GALNT11: variants seen among roughly 807,000 people sequenced by gnomAD.
GALNT11 encodes polypeptide N-acetylgalactosaminyltransferase 11, also known as UDP-GalNAc:polypeptide N-acetylgalactosaminyltransferase 11.
Under a neutral mutation model 72.7 loss-of-function variants are expected in GALNT11, and 47 were observed. The observed-to-expected ratio is 0.65, with a 90% CI of 0.51 to 0.82. The LOEUF is 0.82. Among genes scored for constraint, GALNT11 ranks in the 40% least tolerant of loss-of-function variants. GALNT11 has a pLI of 0.00. For synonymous variants in GALNT11, 270 were observed against 286.6 expected (o/e 0.94, Z 0.58); for missense variants, 677 against 778.4 (o/e 0.87, Z 1.55).
At chr7:152,118,996 A>G in intron 10 of GALNT11, 2 of 372,754 alleles carry the variant, frequency 5.4e-6, no homozygotes, top group Non-Finnish European at 4.7e-6. Context: ...TTTTTCACCG[A>G]AAAAAACTGC....
chr7:152,039,154 G>A (rs946194340), intron 1 of GALNT11, among the ~76,000 whole-genome samples: 2 of 152,172 alleles, frequency 1.3e-5, no homozygotes, highest in Non-Finnish European at 2.9e-5. Context: ...CACGCAGACT[G>A]AGGTGCAATT....
chr7:152,055,638 T>A (rs1268590091), intron 1 of GALNT11, among the ~76,000 whole-genome samples: 1 of 151,616 alleles, frequency 6.6e-6, no homozygotes, highest in South Asian at 2.1e-4. Flanking sequence ...GGATACTTTT[T>A]AAATTAAATA....
chr7:152,101,046 A>ATCTGTCTCAAGTTTC, intron 3 of GALNT11, 125 bp downstream of exon 3: 1 of 1,284,304 alleles, frequency 7.8e-7, no homozygotes, highest in Non-Finnish European at 1.1e-6. Context: ...ATACTAGGAA[A>ATCTGTCTCAAGTTTC]CTTGAGACAG....
intron 1 of GALNT11, among the ~76,000 whole-genome samples, chr7:152,042,484 GC>G (rs2082911690): frequency 6.6e-6 from 1 of 152,092 alleles, no homozygotes; most frequent in Non-Finnish European, 1.5e-5. Flanking sequence ...TTACTCAGCG[GC>G]CATTGTTCTG....
At chr7:152,077,520 A>G (rs2085057435) in intron 1 of GALNT11, among the ~76,000 whole-genome samples, 1 of 152,130 alleles carries the variant, frequency 6.6e-6, no homozygotes, top group South Asian at 2.1e-4. Flanking sequence ...AGAGGCTGCC[A>G]TCCAGAACAC....
intron 1 of GALNT11, among the ~76,000 whole-genome samples, chr7:152,032,847 C>A (rs2082369353): frequency 6.6e-6 from 1 of 152,216 alleles, no homozygotes. Context: ...GTGGGACTTT[C>A]AGGCGTGACA....
intron 1 of GALNT11, among the ~76,000 whole-genome samples, chr7:152,054,503 CTTTTTTTTTTT>C (rs1037895401): frequency 1.4e-5 from 1 of 72,108 alleles, no homozygotes; most frequent in African/African-American, 5.1e-5. Context: ...TTTTTCTTGT[CTTTTTTTTTTT>C]TTTTTTTTTT....
intron 1 of GALNT11, chr7:152,074,310 T>A (rs911803672): frequency 3.3e-5 from 5 of 152,226 alleles, no homozygotes; most frequent in Non-Finnish European, 5.9e-5. Flanking sequence ...TTTGAGTTGA[T>A]TTTCACATAG....
chr7:152,026,677 G>C (rs1563034365), intron 1 of GALNT11, among the ~76,000 whole-genome samples: 1 of 152,076 alleles, frequency 6.6e-6, no homozygotes, highest in Non-Finnish European at 1.5e-5. Context: ...CTGCCCCATG[G>C]CGTAAATTGT....
At chr7:152,081,255 C>T (rs1000664010) in intron 1 of GALNT11, among the ~76,000 whole-genome samples, 3 of 152,162 alleles carry the variant, frequency 2.0e-5, no homozygotes, top group Admixed American at 2.0e-4. Context: ...AATTTAACTA[C>T]TTCATGGAGC....
intron 1 of GALNT11, among the ~76,000 whole-genome samples, chr7:152,073,179 A>C (rs1406094026): frequency 6.6e-6 from 1 of 152,170 alleles, no homozygotes. Flanking sequence ...CCTTATAGCT[A>C]TTTGAAACTC....
chr7:152,116,060 A>C (rs2088816268), intron 8 of GALNT11, among the ~76,000 whole-genome samples: 1 of 152,186 alleles, frequency 6.6e-6, no homozygotes, highest in Admixed American at 6.5e-5. Context: ...CCATCTCAAA[A>C]AAAATTTACT....
intron 1 of GALNT11, among the ~76,000 whole-genome samples, chr7:152,053,500 A>G (rs2083495779): frequency 6.6e-6 from 1 of 152,250 alleles, no homozygotes; most frequent in South Asian, 2.1e-4. Context: ...GTTTCAGACA[A>G]AATTAATGTC....
chr7:152,122,120 T>G lies in GALNT11; in HGVS notation c.*443T>G, dbSNP rs2089466868. On this transcript the variant is annotated 3_prime_UTR_variant, in exon 12 of 12. Transcript: ENST00000430044. ...TGGTTTTTATCTGATCAGGAACTTG[T>G]CATGATTTCCTTTCTTAGACTTCAT... 6.5e-6 allele frequency: 1 copy of G among 152,952 alleles called. No homozygotes were observed. The highest frequency in any genetic ancestry group is 2.4e-5 in the African/African-American group (1 of 41,380). The allele number at this position is 152,952 out of a possible 1,614,324, so 9.5% of individuals were successfully genotyped here.
chr7:152,110,683 A>G, intron 7 of GALNT11, 38 bp downstream of exon 7: 1 of 1,307,572 alleles, frequency 7.6e-7, no homozygotes, highest in Non-Finnish European at 1.1e-6. Flanking sequence ...ATAACTGTGT[A>G]GTGGAATATG....
At chr7:152,064,185 G>C (rs1219882728) in intron 1 of GALNT11, among the ~76,000 whole-genome samples, 2 of 152,168 alleles carry the variant, frequency 1.3e-5, no homozygotes, top group Non-Finnish European at 2.9e-5. Flanking sequence ...AGCTCTTCTT[G>C]TTGAATTGAT....
At chr7:152,118,490 CTT>C (rs1454906852) in intron 9 of GALNT11, 186 bp from the exon 10 acceptor site, 43 of 526,692 alleles carry the variant, frequency 8.2e-5, no homozygotes, top group Non-Finnish European at 1.3e-4. Context: ...GGAGTTATAA[CTT>C]TTGTCTATCT....
At chr7:152,036,520 C>T (rs1051997473) in intron 1 of GALNT11, among the ~76,000 whole-genome samples, 1 of 152,126 alleles carries the variant, frequency 6.6e-6, no homozygotes, top group Non-Finnish European at 1.5e-5. Flanking sequence ...GCTTCCATAT[C>T]TTGGCTATTG....
At chr7:152,058,490 T>C (rs922397784) in intron 1 of GALNT11, among the ~76,000 whole-genome samples, 2 of 152,016 alleles carry the variant, frequency 1.3e-5, no homozygotes, top group Non-Finnish European at 2.9e-5. Context: ...TGCGTCACCA[T>C]ACCCGGCTAA....
Sources: gnomAD v4.1 joint callset for allele counts (sites outside exome capture counted in the v4.1 genomes callset) on GRCh38, gnomAD v4.1.1 for gene constraint, MANE v1.5 for transcripts, NCBI Gene and HGNC (gene_info 2026-07-23, HGNC 2026-07-21) for gene names.